Variants in IKBKB observed in about 807,000 individuals in gnomAD.
IKBKB encodes the protein inhibitor of nuclear factor kappa B kinase subunit beta, also known as inhibitor of nuclear factor kappa-B kinase subunit beta.
In IKBKB, 42 loss-of-function variants were observed where a neutral mutation model predicts 113.6. That is an observed-to-expected ratio of 0.37 (90% CI 0.29 to 0.48). The LOEUF (loss-of-function observed/expected upper bound fraction) is 0.48, where lower values mean the gene tolerates loss of function less well. IKBKB is among the 20% of genes least tolerant of loss of function. The probability of loss-of-function intolerance (pLI) is 0.99; values close to 1 mark genes in which losing one functional copy is unlikely to be tolerated. For missense variants in IKBKB, 673 were observed against 939.7 expected, an observed-to-expected ratio of 0.72 and a Z score of 3.71; for synonymous variants, 296 against 361.3, an observed-to-expected ratio of 0.82 and a Z score of 2.05.
At chr8:42,294,499 C>T (rs1223321425) in intron 5 of IKBKB, among the ~76,000 whole-genome samples, 2 of 152,184 alleles carry the variant, frequency 1.3e-5, no homozygotes, top group Non-Finnish European at 2.9e-5. Flanking sequence ...CCAACACTGT[C>T]TTGCTAGTGT....
At chr8:42,276,132 C>T (rs865873983) in intron 2 of IKBKB, among the ~76,000 whole-genome samples, 3 of 152,172 alleles carry the variant, frequency 2.0e-5, no homozygotes, top group African/African-American at 4.8e-5. Context: ...TGAGCCACTG[C>T]GCTAGCCTTG....
At position 42,316,841 on chromosome 8, in the gene IKBKB, G is replaced by T. The variant is rs145086380; in HGVS notation, c.1062G>T (p.Leu354=). ...TGIPEEDQEL[L]QEAGLALIPD... ...TCCCAGAGGAGGACCAGGAGCTGCTGCAGGAAGCGGGCCTGGCGTTGATCC... is the reference window on the plus strand; with the variant it reads ...TCCCAGAGGAGGACCAGGAGCTGCTTCAGGAAGCGGGCCTGGCGTTGATCC... Residue 354 remains leucine, a synonymous_variant, in exon 11 of 22, where the codon CTG becomes CTT. Transcript: ENST00000520810. The surrounding 1 kb of genome is among the most constrained non-coding windows in gnomAD (Gnocchi z 4.5). The T allele has an allele frequency of 3.5e-5, 56 of 1,614,184 alleles. No individual in the cohort carries two copies. In the Middle Eastern group the frequency reaches 4.9e-4, roughly 14 times the overall value.
At chr8:42,319,883 TAAG>T in intron 15 of IKBKB, 1 of 454,008 alleles carries the variant, frequency 2.2e-6, no homozygotes. Context: ...CAGGTTTAAA[TAAG>T]AAGCAAGGGT....
At chr8:42,320,704 T>C (rs1819601493) in intron 15 of IKBKB, 31 bp from the exon 16 acceptor site, 9 of 1,562,064 alleles carry the variant, frequency 5.8e-6, no homozygotes, top group Non-Finnish European at 7.9e-6. Flanking sequence ...GCCTACCACA[T>C]CAGTTGACAT....
intron 2 of IKBKB, among the ~76,000 whole-genome samples, chr8:42,284,845 C>A (rs570994455): frequency 2.1e-5 from 3 of 144,856 alleles, no homozygotes; most frequent in Non-Finnish European, 3.0e-5. Flanking sequence ...ATTAAAGAAA[C>A]GTTATTCTTT....
rs910050249 is a variant in IKBKB at position 42,331,373 on chromosome 8, G to A, written c.*394G>A. The A allele has an allele frequency of 2.1e-5, 15 of 702,916 alleles. No homozygotes were observed. Among genetic ancestry groups the A allele is most frequent in the East Asian group, 5.4e-5 (2 of 37,290 alleles). The allele number at this position is 702,916 out of a possible 1,614,324, so 43.5% of individuals were successfully genotyped here. On this transcript the variant is annotated 3_prime_UTR_variant, in exon 22 of 22. Coordinates refer to ENST00000520810, the MANE Select transcript of IKBKB (RefSeq NM_001556.3). ...GCTTGGAGTACGGTTTGCCACACAC[G>A]TGACTGGACAGTGTCCAATTCAAAT...
chr8:42,318,955 C>T (rs1819239744), intron 13 of IKBKB: 1 of 531,768 alleles, frequency 1.9e-6, no homozygotes, highest in Non-Finnish European at 3.3e-6. Flanking sequence ...GAGCTCACTA[C>T]CATGTGGATT....
At chr8:42,284,814 T>A (rs1299004510) in intron 2 of IKBKB, among the ~76,000 whole-genome samples, 1 of 150,526 alleles carries the variant, frequency 6.6e-6, no homozygotes, top group Non-Finnish European at 1.5e-5. Context: ...TACAGGGAGG[T>A]GTAACATGGT....
chr8:42,324,364 A>T (rs1260520626), intron 19 of IKBKB, among the ~76,000 whole-genome samples: 1 of 152,104 alleles, frequency 6.6e-6, no homozygotes, highest in Non-Finnish European at 1.5e-5. Context: ...TCCCGGGTTC[A>T]AGTGATTCTC....
rs1035553550 is a variant in IKBKB at position 42,316,126 on chromosome 8, C to T, written c.801-84C>T. ...TTTTCAATCACCGTCTACTGGCTGC[C>T]GTCTGTGTGTATACTGGGAGACGCA... On this transcript the variant is annotated intron_variant, in intron 9 of 21. Transcript: ENST00000520810. The surrounding 1 kb of genome is among the most constrained non-coding windows in gnomAD (Gnocchi z 4.5). The T allele has an allele frequency of 1.9e-5, 28 of 1,449,008 alleles. No homozygotes were observed. The highest frequency in any genetic ancestry group is 2.8e-5 in the African/African-American group (2 of 70,946). The allele number at this position is 1,449,008 out of a possible 1,614,324, so 89.8% of individuals were successfully genotyped here.
At chr8:42,307,746 A>G (rs924348345) in intron 7 of IKBKB, among the ~76,000 whole-genome samples, 1 of 152,136 alleles carries the variant, frequency 6.6e-6, no homozygotes, top group Non-Finnish European at 1.5e-5. Context: ...GGGGGACCCC[A>G]TGCTCTAACC....
rs780435923 is a variant in IKBKB, at chr8:42,293,222, T to C, written c.319-221T>C. Among the ~76,000 whole-genome samples, 55 of 152,262 alleles carry C rather than the reference T, an allele frequency of 3.6e-4. 1 individual carries two copies. The highest frequency in any genetic ancestry group is 3.4e-3 in the Middle Eastern group (1 of 294). Reference sequence around the variant, plus strand: ...TCAGAGGCCCCTTGCTGTGAGGATGTGAGAGCCCTGGGGTGGTCAGGACTG... The same window carrying C: ...TCAGAGGCCCCTTGCTGTGAGGATGCGAGAGCCCTGGGGTGGTCAGGACTG... On this transcript the variant is annotated intron_variant, in intron 4 of 21. Transcript: ENST00000520810.
At chr8:42,297,903 A>G (rs1314669156) in intron 5 of IKBKB, among the ~76,000 whole-genome samples, 2 of 152,128 alleles carry the variant, frequency 1.3e-5, no homozygotes, top group Non-Finnish European at 2.9e-5. Flanking sequence ...TCAAAAAAAA[A>G]AGAAAAAAGA....
chr8:42,296,458 C>T (rs916288195), intron 5 of IKBKB, among the ~76,000 whole-genome samples: 2 of 152,150 alleles, frequency 1.3e-5, no homozygotes, highest in African/African-American at 4.8e-5. Context: ...GGTGAAACCC[C>T]GTCTCTACTA....
At chr8:42,300,696 G>T (rs144936700) in intron 5 of IKBKB, among the ~76,000 whole-genome samples, 1 of 152,298 alleles carries the variant, frequency 6.6e-6, no homozygotes, top group Non-Finnish European at 1.5e-5. Context: ...AAAGGCTGGG[G>T]TTACCACCGG....
Position 42,319,439 on chromosome 8 carries a change from A to C in IKBKB, c.1516+18A>C, listed in dbSNP as rs373309201. 7 of 1,614,006 alleles carry C rather than the reference A, an allele frequency of 4.3e-6. No individual in the cohort carries two copies. In the African/African-American group the frequency reaches 9.3e-5, roughly 22 times the overall value. ...TGGGATCAGTGAGTGTGCACTTTGC[A>C]ATGAGTTTAAAGACACCATTTTTTT... On this transcript the variant is annotated intron_variant, in intron 14 of 21. Coordinates refer to ENST00000520810, the MANE Select transcript of IKBKB (RefSeq NM_001556.3).
Position 42,318,796 on chromosome 8 carries a change from C to T in IKBKB, c.1364+121C>T, listed in dbSNP as rs573799546. Reference sequence around the variant, plus strand: ...ACCGTTATGAGCAACAAAAGGAAGACACTGGTTTGGATGGACGGGAAGCGG... The same window carrying T: ...ACCGTTATGAGCAACAAAAGGAAGATACTGGTTTGGATGGACGGGAAGCGG... On this transcript the variant is annotated intron_variant, in intron 13 of 21. Transcript: ENST00000520810. The T allele has an allele frequency of 7.0e-5, 69 of 985,344 alleles. 2 individuals are homozygous for T. The Admixed American group carries it at 1.9e-3, about 27-fold the overall frequency. The allele number at this position is 985,344 out of a possible 1,614,324, so 61.0% of individuals were successfully genotyped here.
chr8:42,306,035 G>GTT (rs1373009447), intron 6 of IKBKB, among the ~76,000 whole-genome samples: 2 of 152,220 alleles, frequency 1.3e-5, no homozygotes, highest in East Asian at 3.9e-4. Flanking sequence ...GGTCCTTCCT[G>GTT]TTTCAAGTCT....
intron 6 of IKBKB, among the ~76,000 whole-genome samples, chr8:42,305,698 C>G (rs1312567569): frequency 6.6e-6 from 1 of 152,194 alleles, no homozygotes; most frequent in Admixed American, 6.5e-5. Context: ...CAAGCCTGGT[C>G]CAGCCTATAG....
Sources: gnomAD v4.1 joint callset for allele counts (sites outside exome capture counted in the v4.1 genomes callset) on GRCh38, gnomAD v4.1.1 for gene constraint, Gnocchi (gnomAD v3.1) non-coding constraint, MANE v1.5 for transcripts, NCBI Gene and HGNC (gene_info 2026-07-23, HGNC 2026-07-21) for gene names.